OTOA: variants seen among roughly 807,000 people sequenced by gnomAD.
The protein encoded by OTOA is otoancorin.
A neutral mutation model predicts 110.8 loss-of-function variants in OTOA; 70 were observed. The ratio of observed to expected loss-of-function variants is 0.63; its 90% CI spans 0.52 to 0.77. OTOA has a LOEUF of 0.77. Ranked by LOEUF, OTOA falls within the 30% of genes least tolerant of loss-of-function variation. The pLI is 0.00. For missense variants in OTOA, 917 were observed against 1,075.8 expected (o/e 0.85, Z 2.06); for synonymous variants, 373 against 431.5 (o/e 0.86, Z 1.68).
At chr16:21,714,387 CTCTCTTTCTT>C (rs754080712) in intron 13 of OTOA, among the ~76,000 whole-genome samples, 29,591 of 128,212 alleles carry the variant, frequency 0.23, 4,276 homozygotes, top group African/African-American at 0.25. Context: ...TTCTCTCTTT[CTCTCTTTCTT>C]TCTCTTTCTT....
intron 3 of OTOA, 38 bp downstream of exon 3, chr16:21,678,981 A>G (rs755692387): frequency 1.9e-6 from 3 of 1,613,616 alleles, no homozygotes; most frequent in African/African-American, 2.7e-5. Context: ...AGTCCCCTCT[A>G]CTGGAATTGC....
At chr16:21,674,896 CTTTTTT>C (rs60269668) in intron 1 of OTOA, among the ~76,000 whole-genome samples, 5 of 29,778 alleles carry the variant, frequency 1.7e-4, no homozygotes, top group South Asian at 2.3e-3. Context: ...TTTTAAAAAT[CTTTTTT>C]TTTTTTTTTT....
intron 24 of OTOA, among the ~76,000 whole-genome samples, chr16:21,749,528 CAA>C (rs574262242): frequency 7.5e-6 from 1 of 134,054 alleles, no homozygotes; most frequent in East Asian, 2.3e-4. Flanking sequence ...GACGCTGTCT[CAA>C]AAAAAAAAAA....
Position 21,715,170 on chromosome 16 carries a change from G to C in OTOA, c.1488+18G>C. 1 of 1,614,046 alleles carries C rather than the reference G, an allele frequency of 6.2e-7. No individual in the cohort carries two copies. Among genetic ancestry groups the C allele is most frequent in the South Asian group, 1.1e-5 (1 of 91,076 alleles). Reference sequence around the variant, plus strand: ...TCAGCAAGGTGAGAGGAAGATGTCTGGTGCTCAGCCACATGTCACAGGGGG... The same window carrying C: ...TCAGCAAGGTGAGAGGAAGATGTCTCGTGCTCAGCCACATGTCACAGGGGG... On this transcript the variant is annotated intron_variant, in intron 14 of 28. Coordinates refer to ENST00000646100, the MANE Select transcript of OTOA (RefSeq NM_144672.4).
chr16:21,705,338 T>C (rs2141680742), intron 12 of OTOA, 46 bp downstream of exon 12: 1 of 1,612,596 alleles, frequency 6.2e-7, no homozygotes, highest in Non-Finnish European at 8.5e-7. Flanking sequence ...TCAGTGTCAC[T>C]AGCCAGAGAA....
At position 21,705,163 on chromosome 16, in the gene OTOA, A is replaced by C. The variant is rs1312527713; in HGVS notation, c.981-6A>C. 1.9e-6 allele frequency: 3 copies of C among 1,614,102 alleles called. No individual in the cohort carries two copies. Among genetic ancestry groups the C allele is most frequent in the African/African-American group, 2.7e-5 (2 of 75,024 alleles). On this transcript the variant is annotated splice_region_variant and splice_polypyrimidine_tract_variant and intron_variant, in intron 11 of 28. Coordinates refer to ENST00000646100, the MANE Select transcript of OTOA (RefSeq NM_144672.4). ...CTCCACCACCATCCCTCCTCTTCTC[A>C]CACAGGCTGGGGCTGCTGGTTTGTT...
At chr16:21,682,302 G>A (rs577471865) in intron 6 of OTOA, among the ~76,000 whole-genome samples, 1 of 152,316 alleles carries the variant, frequency 6.6e-6, no homozygotes, top group South Asian at 2.1e-4. Context: ...GACAAGGGTA[G>A]CATCTTCTCT....
chr16:21,709,989 G>T lies in OTOA; in HGVS notation c.1206G>T (p.Leu402=). Residue 402 remains leucine, a synonymous_variant, in exon 13 of 29, where the codon CTG becomes CTT. Coordinates refer to ENST00000646100, the MANE Select transcript of OTOA (RefSeq NM_144672.4). ...DAVVGLTYSQ[L]ESLSPEAVHG... ...TTGTAGGTTTGACCTACAGCCAACT[G>T]GAATCCCTCTCCCCCGAGGCTGTGC... is the stretch of plus-strand genomic sequence containing the variant. 1.9e-6 allele frequency: 3 copies of T among 1,613,954 alleles called. No homozygotes were observed. The highest frequency in any genetic ancestry group is 1.1e-5 in the South Asian group (1 of 91,074).
chr16:21,750,201 G>C (rs1425320854), intron 24 of OTOA, among the ~76,000 whole-genome samples: 1 of 151,810 alleles, frequency 6.6e-6, no homozygotes, highest in East Asian at 1.9e-4. Context: ...GATCACTTGA[G>C]GTCAGGAGTT....
chr16:21,685,376 G>A lies in OTOA; in HGVS notation c.399+15G>A, dbSNP rs1170665946. On this transcript the variant is annotated intron_variant, in intron 7 of 28. Coordinates refer to ENST00000646100, the MANE Select transcript of OTOA (RefSeq NM_144672.4). ...AGGACGGCTTGGTGAGGAGCCCTTG[G>A]CATCCCGGGGATAGAGGAAGTCCAG... is the stretch of plus-strand genomic sequence containing the variant. 1 of 1,608,640 alleles carries A rather than the reference G, an allele frequency of 6.2e-7. No individual in the cohort carries two copies.
intron 21 of OTOA, among the ~76,000 whole-genome samples, chr16:21,734,799 G>C (rs969793946): frequency 5.9e-5 from 9 of 151,884 alleles, no homozygotes; most frequent in South Asian, 2.1e-4. Context: ...ATCGTGCCCT[G>C]CACTCCAGCC....
chr16:21,758,741 C>T (rs1363039419), intron 28 of OTOA, among the ~76,000 whole-genome samples: 1 of 151,092 alleles, frequency 6.6e-6, no homozygotes, highest in African/African-American at 2.4e-5. Flanking sequence ...TGGCTCATGC[C>T]TGTAATCCTA....
At chr16:21,731,159 A>G (rs1899103727) in intron 21 of OTOA, among the ~76,000 whole-genome samples, 1 of 152,086 alleles carries the variant, frequency 6.6e-6, no homozygotes, top group South Asian at 2.1e-4. Context: ...CCCCAGGCAG[A>G]TGTGTGCAGA....
At chr16:21,677,479 CTTTTTTTTTT>C in intron 1 of OTOA, among the ~76,000 whole-genome samples, 2 of 116,888 alleles carry the variant, frequency 1.7e-5, no homozygotes, top group East Asian at 5.4e-4. Flanking sequence ...AGCTTCATAT[CTTTTTTTTTT>C]TTTTTTTTTT....
At chr16:21,709,794 A>G (rs1404861952) in intron 12 of OTOA, 94 bp from the exon 13 acceptor site, 8 of 1,074,792 alleles carry the variant, frequency 7.4e-6, no homozygotes, top group Admixed American at 1.7e-5. Flanking sequence ...GGGTCAAGGG[A>G]GGTGCTGTGG....
At chr16:21,692,052 C>T (rs1422160095) in intron 9 of OTOA, among the ~76,000 whole-genome samples, 2 of 152,152 alleles carry the variant, frequency 1.3e-5, no homozygotes, top group East Asian at 1.9e-4. Flanking sequence ...AGAGGCTGGG[C>T]GTGGTGGCTC....
intron 13 of OTOA, among the ~76,000 whole-genome samples, chr16:21,712,628 C>T (rs1898392142): frequency 6.6e-6 from 1 of 151,438 alleles, no homozygotes; most frequent in Non-Finnish European, 1.5e-5. Context: ...ATCACGAGGT[C>T]AGGAGATCAA....
intron 1 of OTOA, among the ~76,000 whole-genome samples, 161 bp downstream of exon 1, chr16:21,664,393 G>A (rs1966825060): frequency 6.6e-6 from 1 of 152,048 alleles, no homozygotes; most frequent in Non-Finnish European, 1.5e-5. Context: ...TGGGTGCAGC[G>A]GCTTTAAGGG....
chr16:21,710,931 A>G (rs969632340), intron 13 of OTOA, among the ~76,000 whole-genome samples: 1 of 152,182 alleles, frequency 6.6e-6, no homozygotes, highest in Non-Finnish European at 1.5e-5. Flanking sequence ...TGAACCTGGG[A>G]GGCAGAGGTT....
Sources: gnomAD v4.1 joint callset for allele counts (sites outside exome capture counted in the v4.1 genomes callset) on GRCh38, gnomAD v4.1.1 for gene constraint, MANE v1.5 for transcripts, NCBI Gene and HGNC (gene_info 2026-07-23, HGNC 2026-07-21) for gene names.